INSL4: variants seen among roughly 807,000 people sequenced by gnomAD.
INSL4 encodes the protein insulin like 4, also known as early placenta insulin-like peptide.
A neutral mutation model predicts 6.5 loss-of-function variants in INSL4; 7 were observed. The ratio of observed to expected loss-of-function variants is 1.08; its 90% CI spans 0.61 to 2.02. The LOEUF is 2.02. Among genes scored for constraint, INSL4 ranks in the 30% most tolerant of loss-of-function variants. The probability of loss-of-function intolerance (pLI) is 0.00; values close to 1 mark genes in which losing one functional copy is unlikely to be tolerated. For missense variants in INSL4, 226 were observed against 163.2 expected, an observed-to-expected ratio of 1.38 and a Z score of -2.09; for synonymous variants, 82 against 65.8, an observed-to-expected ratio of 1.25 and a Z score of -1.19.
In INSL4 at chr9:5,233,717, C is replaced by G. The variant is rs775969397; in HGVS notation, c.260C>G (p.Pro87Arg). Residue 87 changes from proline (P) to arginine (R), a missense_variant, in exon 2 of 2, where the codon CCT becomes CGT. By Grantham distance (103) the Pro-to-Arg change is moderately radical. Transcript: ENST00000239316. ...TTAGGTACGACATCAGAATTCATTCCTAATTTGTCACCAGAGCTGAAGAAA... is the reference window on the plus strand; with the variant it reads ...TTAGGTACGACATCAGAATTCATTCGTAATTTGTCACCAGAGCTGAAGAAA... Reference protein sequence around the residue: ...QALGTTSEFIPNLSPELKKPL... With the variant: ...QALGTTSEFIRNLSPELKKPL... The G allele has an allele frequency of 1.2e-6, 2 of 1,613,692 alleles. No homozygotes were observed. Among genetic ancestry groups the G allele is most frequent in the East Asian group, 2.2e-5 (1 of 44,850 alleles).
chr9:5,233,980 A>G lies in INSL4; in HGVS notation c.*103A>G. 1 of 766,274 alleles carries G rather than the reference A, an allele frequency of 1.3e-6. No homozygotes were observed. Among genetic ancestry groups the G allele is most frequent in the Non-Finnish European group, 2.2e-6 (1 of 454,096 alleles). The allele number at this position is 766,274 out of a possible 1,614,324, so 47.5% of individuals were successfully genotyped here. A position where few individuals can be genotyped will look rare whatever the true frequency, so the allele number is the denominator to read the frequency against. On this transcript the variant is annotated 3_prime_UTR_variant, in exon 2 of 2. Transcript: ENST00000239316. ...TGATTGCTGTTTATTAGAACATGAG[A>G]ATCATTATTAGTATTCACATGTTTC...
In INSL4 at chr9:5,233,967, A is replaced by T. The variant is rs547089557; in HGVS notation, c.*90A>T. 2 of 833,582 alleles carry T rather than the reference A, an allele frequency of 2.4e-6. No homozygotes were observed. Among genetic ancestry groups the T allele is most frequent in the African/African-American group, 1.7e-5 (1 of 59,086 alleles). 51.6% of individuals were successfully genotyped at this position (833,582 alleles called of 1,614,324 possible). ...ATGCCCAATTAAATGATTGCTGTTT[A>T]TTAGAACATGAGAATCATTATTAGT... On this transcript the variant is annotated 3_prime_UTR_variant, in exon 2 of 2. Coordinates refer to ENST00000239316, the MANE Select transcript of INSL4 (RefSeq NM_002195.2).
intron 1 of INSL4, among the ~76,000 whole-genome samples, chr9:5,232,111 T>C (rs2130950798): frequency 6.6e-6 from 1 of 152,178 alleles, no homozygotes; most frequent in South Asian, 2.1e-4. Flanking sequence ...TGCAATGAGA[T>C]GCCTGGGCCA....
Position 5,233,913 on chromosome 9 carries a change from C to T in INSL4, c.*36C>T, listed in dbSNP as rs1221514092. On this transcript the variant is annotated 3_prime_UTR_variant, in exon 2 of 2. Coordinates refer to ENST00000239316, the MANE Select transcript of INSL4 (RefSeq NM_002195.2). ...ATGGACTGGACATCTCATCCATTCT[C>T]ATATGTATTCTCAATGACAAATTCA... 1 of 1,366,306 alleles carries T rather than the reference C, an allele frequency of 7.3e-7. No individual in the cohort carries two copies. Among genetic ancestry groups the T allele is most frequent in the South Asian group, 1.2e-5 (1 of 84,228 alleles). The allele number at this position is 1,366,306 out of a possible 1,614,324, so 84.6% of individuals were successfully genotyped here.
At position 5,231,496 on chromosome 9, in the gene INSL4, A is replaced by T. The variant is rs1214936730; in HGVS notation, c.-28A>T. 6.2e-7 allele frequency: 1 copy of T among 1,602,170 alleles called. No individual in the cohort carries two copies. Among genetic ancestry groups the T allele is most frequent in the African/African-American group, 1.3e-5 (1 of 74,668 alleles). ...AAGTCTCTAAAGAAAGGCTGAGAACACCCAGAACAGGAGAGTTCAGGTCCA... is the reference window on the plus strand; with the variant it reads ...AAGTCTCTAAAGAAAGGCTGAGAACTCCCAGAACAGGAGAGTTCAGGTCCA... On this transcript the variant is annotated 5_prime_UTR_variant, in exon 1 of 2. Transcript: ENST00000239316.
At position 5,231,684 on chromosome 9, in the gene INSL4, C is replaced by T; in HGVS notation, c.161C>T (p.Pro54Leu). 6.2e-7 allele frequency: 1 copy of T among 1,613,794 alleles called. No homozygotes were observed. Among genetic ancestry groups the T allele is most frequent in the Non-Finnish European group, 8.5e-7 (1 of 1,179,806 alleles). Reference protein sequence around the residue: ...PMPEKTFTTTPGGWLLESGRP... With the variant: ...PMPEKTFTTTLGGWLLESGRP... ...CCTGAGAAGACATTCACCACCACCC[C>T]AGGAGGGTGGCTGCTGGAATCTGGA... is the stretch of plus-strand genomic sequence containing the variant. The change falls in exon 1 of 2, where the codon CCA (proline) becomes CTA (leucine). Residue 54 changes from proline (P) to leucine (L), a missense_variant. Physicochemically the swap from Pro to Leu is moderately conservative, Grantham distance 98. Transcript: ENST00000239316.
At position 5,233,843 on chromosome 9, in the gene INSL4, G is replaced by T. The variant is rs537090716; in HGVS notation, c.386G>T (p.Cys129Phe). Reference protein sequence around the residue: ...RFDPFCCEVICDDGTSVKLCT With the variant: ...RFDPFCCEVIFDDGTSVKLCT ...GATCCATTCTGTTGTGAAGTAATTT[G>T]TGACGATGGAACTTCAGTTAAATTA... is the stretch of plus-strand genomic sequence containing the variant. Residue 129 changes from cysteine to phenylalanine, a missense_variant, in exon 2 of 2, where the codon TGT becomes TTT. Coordinates refer to ENST00000239316, the MANE Select transcript of INSL4 (RefSeq NM_002195.2). 1 of 1,613,370 alleles carries T rather than the reference G, an allele frequency of 6.2e-7. No homozygotes were observed. Among genetic ancestry groups the T allele is most frequent in the Admixed American group, 1.7e-5 (1 of 59,962 alleles).
Position 5,233,798 on chromosome 9 carries a change from G to T in INSL4, c.341G>T (p.Arg114Ile). The change falls in exon 2 of 2, where the codon AGA (arginine) becomes ATA (isoleucine). Residue 114 changes from arginine to isoleucine, a missense_variant. Transcript: ENST00000239316. ...AAAATAATACTTTCCCGCAAAAAGA[G>T]AAGTGGACGTCACAGATTTGATCCA... Reference protein sequence around the residue: ...LKKIILSRKKRSGRHRFDPFC... With the variant: ...LKKIILSRKKISGRHRFDPFC... The T allele has an allele frequency of 6.2e-7, 1 of 1,613,736 alleles. No homozygotes were observed. The highest frequency in any genetic ancestry group is 8.5e-7 in the Non-Finnish European group (1 of 1,179,738).
intron 1 of INSL4, among the ~76,000 whole-genome samples, chr9:5,232,895 G>C (rs1826169128): frequency 6.6e-6 from 1 of 152,040 alleles, no homozygotes; most frequent in Non-Finnish European, 1.5e-5. Flanking sequence ...GAATGCACTT[G>C]GATTTTGTGT....
rs767234140 is a variant in INSL4 at position 5,233,837 on chromosome 9, T to G, written c.380T>G (p.Val127Gly). 1 of 1,613,396 alleles carries G rather than the reference T, an allele frequency of 6.2e-7. No individual in the cohort carries two copies. Among genetic ancestry groups the G allele is most frequent in the African/African-American group, 1.3e-5 (1 of 74,906 alleles). The change falls in exon 2 of 2, where the codon GTA becomes GGA. Residue 127 changes from valine (V) to glycine (G), a missense_variant. Transcript: ENST00000239316. ...AGATTTGATCCATTCTGTTGTGAAG[T>G]AATTTGTGACGATGGAACTTCAGTT... ...RHRFDPFCCEVICDDGTSVKL... is the reference protein window; with the variant it reads ...RHRFDPFCCEGICDDGTSVKL...
At chr9:5,232,792 G>C (rs541766310) in intron 1 of INSL4, among the ~76,000 whole-genome samples, 1 of 152,280 alleles carries the variant, frequency 6.6e-6, no homozygotes, top group African/African-American at 2.4e-5. Context: ...TTTTGAACCA[G>C]CAATGTGTGA....
chr9:5,233,829 T>C lies in INSL4; in HGVS notation c.372T>C (p.Cys124=), dbSNP rs1463056509. The C allele has an allele frequency of 3.7e-6, 6 of 1,613,658 alleles. No homozygotes were observed. The highest frequency in any genetic ancestry group is 5.1e-6 in the Non-Finnish European group (6 of 1,179,658). Residue 124 remains cysteine, a synonymous_variant, in exon 2 of 2, where the codon TGT becomes TGC. Coordinates refer to ENST00000239316, the MANE Select transcript of INSL4 (RefSeq NM_002195.2). ...RSGRHRFDPF[C]CEVICDDGTS... ...GACGTCACAGATTTGATCCATTCTG[T>C]TGTGAAGTAATTTGTGACGATGGAA... is the stretch of plus-strand genomic sequence containing the variant.
intron 1 of INSL4, among the ~76,000 whole-genome samples, chr9:5,232,457 T>A (rs915602822): frequency 6.6e-6 from 1 of 152,074 alleles, no homozygotes; most frequent in Admixed American, 6.6e-5. Flanking sequence ...AGAGGGGAAA[T>A]TGAAGGGGAC....
rs1319041721 is a variant in INSL4 at position 5,233,703 on chromosome 9, A to T, written c.246A>T (p.Thr82=). The T allele has an allele frequency of 5.0e-6, 8 of 1,613,608 alleles. No individual in the cohort carries two copies. In the East Asian group the frequency reaches 1.6e-4, roughly 31 times the overall value. The change falls in exon 2 of 2, where the codon ACA becomes ACT. Residue 82 remains threonine (T), a synonymous_variant. Coordinates refer to ENST00000239316, the MANE Select transcript of INSL4 (RefSeq NM_002195.2). ...NNKDGQALGT[T]SEFIPNLSPE... ...AAGATGGACAAGCCTTAGGTACGAC[A>T]TCAGAATTCATTCCTAATTTGTCAC...
chr9:5,233,700 G>T lies in INSL4; in HGVS notation c.243G>T (p.Thr81=), dbSNP rs775069156. The T allele has an allele frequency of 3.7e-6, 6 of 1,613,568 alleles. No homozygotes were observed. Among genetic ancestry groups the T allele is most frequent in the Non-Finnish European group, 5.1e-6 (6 of 1,179,694 alleles). ...SNNKDGQALG[T]TSEFIPNLSP... is the part of the protein sequence containing the mutation. ...ACAAAGATGGACAAGCCTTAGGTAC[G>T]ACATCAGAATTCATTCCTAATTTGT... Residue 81 remains threonine (T), a synonymous_variant, in exon 2 of 2, where the codon ACG becomes ACT. Transcript: ENST00000239316.
chr9:5,232,769 C>A (rs1176703179), intron 1 of INSL4, among the ~76,000 whole-genome samples: 2 of 152,140 alleles, frequency 1.3e-5, no homozygotes, highest in African/African-American at 4.8e-5. Flanking sequence ...ACATTTAATA[C>A]AAATGACACA....
At position 5,231,513 on chromosome 9, in the gene INSL4, T is replaced by C. The variant is rs756625195; in HGVS notation, c.-11T>C. The stretch of plus-strand genomic sequence containing the variant: ...CTGAGAACACCCAGAACAGGAGAGT[T>C]CAGGTCCAGGATGGCCAGCCTGTTC... On this transcript the variant is annotated 5_prime_UTR_variant, in exon 1 of 2. Coordinates refer to ENST00000239316, the MANE Select transcript of INSL4 (RefSeq NM_002195.2). The C allele has an allele frequency of 6.2e-7, 1 of 1,610,830 alleles. No individual in the cohort carries two copies. The highest frequency in any genetic ancestry group is 8.5e-7 in the Non-Finnish European group (1 of 1,178,910).
chr9:5,232,831 G>A (rs2130951278), intron 1 of INSL4, among the ~76,000 whole-genome samples: 1 of 152,288 alleles, frequency 6.6e-6, no homozygotes, highest in South Asian at 2.1e-4. Context: ...TAACCCATAT[G>A]CATACACTTC....
rs1287868750 is a variant in INSL4, at chr9:5,231,573, G to A, written c.50G>A (p.Ser17Asn). 3.1e-6 allele frequency: 5 copies of A among 1,613,750 alleles called. No homozygotes were observed. Among genetic ancestry groups the A allele is most frequent in the East Asian group, 4.5e-5 (2 of 44,866 alleles). ...CTGCCAGCAATCTGGCTGCTGCTGA[G>A]CCAACTCCTTAGAGAAAGCCTAGCA... The part of the protein sequence containing the change: ...SYLPAIWLLL[S>N]QLLRESLAAE... The change falls in exon 1 of 2, where the codon AGC becomes AAC. Residue 17 changes from serine to asparagine, a missense_variant. Ser to Asn is a conservative substitution (Grantham distance 46). Coordinates refer to ENST00000239316, the MANE Select transcript of INSL4 (RefSeq NM_002195.2).
Sources: gnomAD v4.1 joint callset for allele counts (sites outside exome capture counted in the v4.1 genomes callset) on GRCh38, gnomAD v4.1.1 for gene constraint, MANE v1.5 for transcripts, NCBI Gene and HGNC (gene_info 2026-07-23, HGNC 2026-07-21) for gene names.